BST1: variants seen among roughly 807,000 people sequenced by gnomAD.
BST1 encodes the protein ADP-ribosyl cyclase/cyclic ADP-ribose hydrolase 2.
Under a neutral mutation model 40.6 loss-of-function variants are expected in BST1, and 49 were observed. The observed-to-expected ratio is 1.21, with a 90% CI of 0.96 to 1.53. BST1 has a LOEUF of 1.53. Ranked by LOEUF, BST1 falls within the 40% of genes most tolerant of loss-of-function variation. The probability of loss-of-function intolerance (pLI) is 0.00; values close to 1 mark genes in which losing one functional copy is unlikely to be tolerated. For missense variants in BST1, 423 were observed against 395.9 expected, an observed-to-expected ratio of 1.07 and a Z score of -0.58; for synonymous variants, 157 against 159.3, an observed-to-expected ratio of 0.99 and a Z score of 0.11.
chr4:15,766,885 G>A, the BST1 span, among the ~76,000 whole-genome samples: 2 of 150,674 alleles, frequency 1.3e-5, no homozygotes, highest in African/African-American at 4.9e-5. Context: ...GAAGAAGTGT[G>A]AAGAAAAGGG....
the BST1 span, among the ~76,000 whole-genome samples, chr4:15,770,130 G>A: frequency 0.015 from 2,241 of 147,884 alleles, 42 homozygotes; most frequent in African/African-American, 0.054. Flanking sequence ...GTAAGCCACC[G>A]GGCATGGCTA....
At chr4:15,730,933 G>A (rs1462726014) in intron 8 of BST1, 3 of 278,540 alleles carry the variant, frequency 1.1e-5, no homozygotes, top group East Asian at 9.0e-5. Flanking sequence ...TTTTTATACT[G>A]GTAGCAGTAG....
chr4:15,727,480 A>T (rs1475382203), intron 8 of BST1, among the ~76,000 whole-genome samples: 1 of 152,242 alleles, frequency 6.6e-6, no homozygotes, highest in Non-Finnish European at 1.5e-5. Context: ...ATAGTCATAG[A>T]TAATTTACAA....
chr4:15,714,254 A>T (rs16892263), intron 4 of BST1, among the ~76,000 whole-genome samples: 5,786 of 152,272 alleles, frequency 0.038, 203 homozygotes, highest in East Asian at 0.2. Flanking sequence ...TAGGGAGTGA[A>T]TCCAGCCACC....
intron 1 of BST1, among the ~76,000 whole-genome samples, chr4:15,703,548 G>A (rs1352123417): frequency 6.7e-6 from 1 of 150,252 alleles, no homozygotes; most frequent in African/African-American, 2.5e-5. Flanking sequence ...GCGCTGTGCG[G>A]GGTCTAGAGA....
chr4:15,771,205 G>A, the BST1 span, among the ~76,000 whole-genome samples: 1 of 148,998 alleles, frequency 6.7e-6, no homozygotes, highest in Non-Finnish European at 1.5e-5. Context: ...TTCTAGGTGT[G>A]TACATTACCA....
chr4:15,713,986 G>A (rs1295229089), intron 4 of BST1, among the ~76,000 whole-genome samples: 1 of 152,104 alleles, frequency 6.6e-6, no homozygotes, highest in Non-Finnish European at 1.5e-5. Context: ...TTACAGGTGT[G>A]AGCCACAGCG....
At chr4:15,756,196 T>A in the BST1 span, among the ~76,000 whole-genome samples, 11,752 of 152,096 alleles carry the variant, frequency 0.077, 665 homozygotes, top group East Asian at 0.16. Flanking sequence ...GCTAAAAGAC[T>A]GCAGGGTGGG....
chr4:15,703,092 A>G lies in BST1; in HGVS notation c.-53A>G. On this transcript the variant is annotated 5_prime_UTR_variant, in exon 1 of 9. Transcript: ENST00000265016. ...CAGTTTGCGGAACCGCCTTGGTAGA[A>G]GGAGAGAAGGGGAGTGGAGGAAGCA... is the stretch of plus-strand genomic sequence containing the variant. 1 of 1,512,714 alleles carries G rather than the reference A, an allele frequency of 6.6e-7. No homozygotes were observed. 93.7% of individuals were successfully genotyped at this position (1,512,714 alleles called of 1,614,324 possible).
downstream of BST1, among the ~76,000 whole-genome samples, chr4:15,734,200 G>A (rs1721483030): frequency 6.6e-6 from 1 of 152,166 alleles, no homozygotes; most frequent in Non-Finnish European, 1.5e-5. Flanking sequence ...AGGACTAGAA[G>A]GAGGCGCTGA....
chr4:15,709,453 A>G (rs1469222317), intron 3 of BST1, among the ~76,000 whole-genome samples: 2 of 152,234 alleles, frequency 1.3e-5, no homozygotes, highest in East Asian at 3.8e-4. Context: ...GATGGGCAGC[A>G]TTGCAGGTTC....
chr4:15,718,807 C>A, intron 6 of BST1, 100 bp from the exon 7 acceptor site: 1 of 971,024 alleles, frequency 1.0e-6, no homozygotes, highest in Non-Finnish European at 1.5e-6. Context: ...GTAGAATATC[C>A]AGGAGCACAT....
the BST1 span, among the ~76,000 whole-genome samples, chr4:15,761,847 G>A: frequency 6.6e-6 from 1 of 151,966 alleles, no homozygotes; most frequent in African/African-American, 2.4e-5. Flanking sequence ...GAATGAGTGA[G>A]CTTTTGTTAC....
the BST1 span, among the ~76,000 whole-genome samples, chr4:15,773,223 T>A: frequency 6.6e-6 from 1 of 152,196 alleles, no homozygotes; most frequent in Admixed American, 6.5e-5. Flanking sequence ...CTGTCGTTCA[T>A]GTGGATATGT....
chr4:15,715,431 G>A, intron 5 of BST1, 70 bp downstream of exon 5: 3 of 1,507,120 alleles, frequency 2.0e-6, no homozygotes, highest in Non-Finnish European at 1.8e-6. Context: ...TTAAATAGAG[G>A]CTAAAGAAAA....
At chr4:15,744,773 G>A in the BST1 span, among the ~76,000 whole-genome samples, 1 of 152,134 alleles carries the variant, frequency 6.6e-6, no homozygotes, top group Non-Finnish European at 1.5e-5. Flanking sequence ...CAAGCCACTT[G>A]TTAAAAACAG....
chr4:15,734,911 T>C (rs955410), downstream of BST1, among the ~76,000 whole-genome samples: 8 of 152,088 alleles, frequency 5.3e-5, 1 homozygote, highest in African/African-American at 1.9e-4. Context: ...GAAAGAGACT[T>C]TGGGAAGTGA....
At chr4:15,773,239 G>A in the BST1 span, among the ~76,000 whole-genome samples, 1 of 152,232 alleles carries the variant, frequency 6.6e-6, no homozygotes, top group Non-Finnish European at 1.5e-5. Flanking sequence ...TATGTGGAAC[G>A]AGGGAGAGGC....
At chr4:15,711,671 G>A (rs1720212386) in intron 3 of BST1, 136 bp from the exon 4 acceptor site, 2 of 687,034 alleles carry the variant, frequency 2.9e-6, no homozygotes, top group Admixed American at 4.5e-5. Context: ...GGGAAGAACT[G>A]TGGATGTTAA....
Sources: allele counts gnomAD v4.1 joint callset (sites outside exome capture counted in the v4.1 genomes callset), GRCh38; gene constraint gnomAD v4.1.1; transcripts MANE v1.5; gene names NCBI Gene and HGNC (gene_info 2026-07-23, HGNC 2026-07-21).